Variants in INSC observed in about 807,000 individuals in gnomAD.
INSC encodes the protein INSC spindle orientation adaptor protein, also known as protein inscuteable homolog.
In INSC, 67 loss-of-function variants were observed where a neutral mutation model predicts 58.6. That is an observed-to-expected ratio of 1.14 (90% CI 0.94 to 1.40). The LOEUF is 1.40. Ranked by LOEUF, INSC falls within the 40% of genes most tolerant of loss-of-function variation. INSC has a pLI of 0.00. For missense variants in INSC, 714 were observed against 692.0 expected, an observed-to-expected ratio of 1.03 and a Z score of -0.36; for synonymous variants, 262 against 276.1, an observed-to-expected ratio of 0.95 and a Z score of 0.51.
At chr11:15,248,385 C>T (rs923734425), downstream of INSC, among the ~76,000 whole-genome samples, 1 of 152,114 alleles carries the variant, frequency 6.6e-6, no homozygotes, top group African/African-American at 2.4e-5. Context: ...GTGCAAATGT[C>T]AATAAGTGGA....
At chr11:15,163,983 GC>G (rs1367883448) in intron 2 of INSC, among the ~76,000 whole-genome samples, 4 of 152,016 alleles carry the variant, frequency 2.6e-5, no homozygotes, top group South Asian at 2.1e-4. Context: ...TTCTTGTTTA[GC>G]CTTTGTTTCT....
intron 1 of INSC, among the ~76,000 whole-genome samples, chr11:15,147,055 T>C (rs139401474): frequency 3.0e-4 from 45 of 152,326 alleles, no homozygotes; most frequent in Admixed American, 5.9e-4. Context: ...TTTGCCTCTT[T>C]TCTTCTCAAT....
chr11:15,192,975 G>A lies in INSC; in HGVS notation c.693+2161G>A, dbSNP rs117056367. On this transcript the variant is annotated intron_variant, in intron 6 of 12. Coordinates refer to ENST00000379556, the MANE Select transcript of INSC (RefSeq NM_001042536.3). ...TCATGTAATTCTCATGATTCTGTGA[G>A]GAGGGTGGTACTAACATTTTATACA... is the stretch of plus-strand genomic sequence containing the variant. 3.0e-3 allele frequency among the ~76,000 whole-genome samples: 458 copies of A among 152,330 alleles called. 2 individuals are homozygous for A. Among genetic ancestry groups the A allele is most frequent in the Admixed American group, 5.2e-3 (79 of 15,302 alleles).
chr11:15,146,610 T>C (rs1468572021), intron 1 of INSC, among the ~76,000 whole-genome samples: 1 of 152,228 alleles, frequency 6.6e-6, no homozygotes, highest in South Asian at 2.1e-4. Context: ...ATTAGGCTTA[T>C]TGCAGTTTCC....
At position 15,160,210 on chromosome 11, in the gene INSC, T is replaced by C. The variant is rs903901218; in HGVS notation, c.56+10980T>C. Reference sequence around the variant, plus strand: ...TGGGGCACATGGGACATAAATTTGTTGAGGAGTCACAAAGGACTCCTTCAG... The same window carrying C: ...TGGGGCACATGGGACATAAATTTGTCGAGGAGTCACAAAGGACTCCTTCAG... On this transcript the variant is annotated intron_variant, in intron 2 of 12. Coordinates refer to ENST00000379556, the MANE Select transcript of INSC (RefSeq NM_001042536.3). 7.2e-5 allele frequency among the ~76,000 whole-genome samples: 11 copies of C among 152,204 alleles called. 1 individual carries two copies.
chr11:15,221,787 A>G, intron 8 of INSC, 139 bp downstream of exon 8: 1 of 766,166 alleles, frequency 1.3e-6, no homozygotes, highest in Non-Finnish European at 2.0e-6. Context: ...ATTTGCTGAA[A>G]TCCCACAATT....
intron 7 of INSC, among the ~76,000 whole-genome samples, chr11:15,204,480 C>T (rs1034184172): frequency 6.6e-6 from 1 of 152,228 alleles, no homozygotes; most frequent in Non-Finnish European, 1.5e-5. Context: ...TCTCTCCCAC[C>T]CTCCACCCAC....
chr11:15,208,096 G>A (rs779677323), intron 7 of INSC, among the ~76,000 whole-genome samples: 27 of 152,154 alleles, frequency 1.8e-4, no homozygotes, highest in Non-Finnish European at 3.4e-4. Flanking sequence ...GAGACAGAGG[G>A]GCTGTGAATG....
intron 5 of INSC, among the ~76,000 whole-genome samples, chr11:15,183,654 C>T (rs1375316891): frequency 6.6e-6 from 1 of 152,152 alleles, no homozygotes; most frequent in Non-Finnish European, 1.5e-5. Flanking sequence ...TTCCTTTCAG[C>T]TATTTTTCAC....
chr11:15,237,131 G>A (rs1488261970), intron 10 of INSC, among the ~76,000 whole-genome samples: 2 of 152,164 alleles, frequency 1.3e-5, no homozygotes, highest in African/African-American at 4.8e-5. Context: ...CCTAATATGT[G>A]CCTGGCATTG....
chr11:15,132,655 C>G (rs1848151430), intron 1 of INSC, among the ~76,000 whole-genome samples: 1 of 152,182 alleles, frequency 6.6e-6, no homozygotes, highest in South Asian at 2.1e-4. Context: ...GCTCATCACT[C>G]TTTCTTGTAT....
intron 2 of INSC, among the ~76,000 whole-genome samples, chr11:15,157,538 CA>C (rs1202094955): frequency 6.6e-6 from 1 of 152,202 alleles, no homozygotes; most frequent in Non-Finnish European, 1.5e-5. Context: ...CCCCACCACA[CA>C]GCCAGAACTG....
chr11:15,158,945 C>T (rs1198892790), intron 2 of INSC, among the ~76,000 whole-genome samples: 1 of 136,564 alleles, frequency 7.3e-6, no homozygotes, highest in East Asian at 2.1e-4. Context: ...ACTTTGTAGC[C>T]TCAGCTCCTA....
chr11:15,141,368 G>A (rs926288096), intron 1 of INSC, among the ~76,000 whole-genome samples: 4 of 152,160 alleles, frequency 2.6e-5, no homozygotes, highest in Non-Finnish European at 5.9e-5. Context: ...ATTGAGGGGC[G>A]GAACAAAGGT....
chr11:15,258,674 G>A, the INSC span, among the ~76,000 whole-genome samples: 1 of 152,144 alleles, frequency 6.6e-6, no homozygotes, highest in Non-Finnish European at 1.5e-5. Flanking sequence ...ATACTTCCTG[G>A]TGTAAGTTAG....
At chr11:15,240,203 T>C (rs2271829) in intron 11 of INSC, among the ~76,000 whole-genome samples, 104,810 of 152,034 alleles carry the variant, frequency 0.69, 36,429 homozygotes, top group East Asian at 0.86. Flanking sequence ...TTAGGAATTT[T>C]GTCTGGTAAA....
rs12224525 is a variant in INSC at position 15,214,368 on chromosome 11, G to A, written c.820-7109G>A. ...ATGGCTGCGTTTTCAGTGCATTCCC[G>A]TGATTCTGTTTAATTGTTACAATCC... On this transcript the variant is annotated intron_variant, in intron 7 of 12. Transcript: ENST00000379556. Among the ~76,000 whole-genome samples, 1,385 of 152,248 alleles carry A rather than the reference G, an allele frequency of 9.1e-3. 22 individuals carry two copies. Among genetic ancestry groups the A allele is most frequent in the East Asian group, 0.049 (256 of 5,176 alleles).
intron 1 of INSC, among the ~76,000 whole-genome samples, chr11:15,145,500 C>T (rs915361968): frequency 1.1e-4 from 17 of 152,108 alleles, no homozygotes; most frequent in African/African-American, 2.9e-4. Context: ...CTATGGGAGT[C>T]GGTGGGTGCA....
At chr11:15,213,537 A>C (rs1240762143) in intron 7 of INSC, among the ~76,000 whole-genome samples, 1 of 152,122 alleles carries the variant, frequency 6.6e-6, no homozygotes, top group Non-Finnish European at 1.5e-5. Flanking sequence ...TCCACCCCCA[A>C]AGCACCTTCA....
Sources: gnomAD v4.1 joint callset for allele counts (sites outside exome capture counted in the v4.1 genomes callset) on GRCh38, gnomAD v4.1.1 for gene constraint, MANE v1.5 for transcripts, NCBI Gene and HGNC (gene_info 2026-07-23, HGNC 2026-07-21) for gene names.